Variants in DDX60 observed in about 807,000 individuals in gnomAD.
DDX60 encodes DExD/H-box helicase 60.
A neutral mutation model predicts 212.8 loss-of-function variants in DDX60; 165 were observed. The ratio of observed to expected loss-of-function variants is 0.78; its 90% CI spans 0.68 to 0.88. DDX60 has a LOEUF of 0.88. Ranked by LOEUF, DDX60 falls within the 40% of genes least tolerant of loss-of-function variation. The pLI, the probability that DDX60 is intolerant of heterozygous loss-of-function variation, is 0.00. For synonymous variants in DDX60, 703 were observed against 685.3 expected (o/e 1.03, Z -0.40); for missense variants, 1,905 against 2,003.9 (o/e 0.95, Z 0.94).
At chr4:168,247,776 G>T (rs974992694) in intron 29 of DDX60, among the ~76,000 whole-genome samples, 2 of 152,198 alleles carry the variant, frequency 1.3e-5, no homozygotes, top group Admixed American at 6.5e-5. Context: ...GGTGTCAGGA[G>T]TAAAGATGAG....
intron 19 of DDX60, 48 bp downstream of exon 19, chr4:168,271,995 T>C: frequency 1.5e-6 from 2 of 1,373,706 alleles, no homozygotes; most frequent in Non-Finnish European, 2.0e-6. Context: ...TTCATTGCTA[T>C]GCAAGTGTGC....
intron 8 of DDX60, among the ~76,000 whole-genome samples, chr4:168,288,799 T>G (rs1241392729): frequency 6.6e-6 from 1 of 152,234 alleles, no homozygotes; most frequent in Non-Finnish European, 1.5e-5. Context: ...CTGGTCTCCA[T>G]GCTTCAAGAT....
chr4:168,218,159 T>A lies in DDX60; in HGVS notation c.5040-1127A>T, dbSNP rs577575344. On this transcript the variant is annotated intron_variant, in intron 37 of 37. Transcript: ENST00000393743. ...TTATTTTCGAGTGTCATCACTGACC[T>A]ACCACAAAAATTGATCAGTTCTGTC... Among the ~76,000 whole-genome samples the A allele has an allele frequency of 3.4e-4, 52 of 152,284 alleles. 1 individual carries two copies. The South Asian group carries it at 7.5e-3, about 22-fold the overall frequency.
At chr4:168,288,127 A>G (rs563818591) in intron 9 of DDX60, 47 bp downstream of exon 9, 4 of 1,227,216 alleles carry the variant, frequency 3.3e-6, no homozygotes, top group Non-Finnish European at 4.4e-6. Flanking sequence ...TTCCTTATAA[A>G]GTTTATCTGT....
intron 26 of DDX60, among the ~76,000 whole-genome samples, chr4:168,252,945 C>T (rs1391500709): frequency 2.0e-5 from 3 of 152,094 alleles, no homozygotes; most frequent in Non-Finnish European, 4.4e-5. Context: ...GCTGGGATTA[C>T]AGGTGTCCAC....
At chr4:168,304,059 T>C (rs1274959871) in intron 5 of DDX60, among the ~76,000 whole-genome samples, 1 of 152,212 alleles carries the variant, frequency 6.6e-6, no homozygotes, top group Non-Finnish European at 1.5e-5. Flanking sequence ...TAAAAATGAC[T>C]GCTACTGACT....
intron 5 of DDX60, among the ~76,000 whole-genome samples, 159 bp from the exon 6 acceptor site, chr4:168,302,575 A>G (rs1251772583): frequency 6.6e-6 from 1 of 152,254 alleles, no homozygotes; most frequent in African/African-American, 2.4e-5. Context: ...CCCATTGAAC[A>G]TCACTATTTT....
upstream of DDX60, among the ~76,000 whole-genome samples, chr4:168,323,462 T>G (rs1032058843): frequency 1.3e-5 from 2 of 152,158 alleles, no homozygotes; most frequent in Non-Finnish European, 2.9e-5. Context: ...AAGAGCTCTT[T>G]GAACTGCCTG....
intron 3 of DDX60, among the ~76,000 whole-genome samples, chr4:168,309,205 T>C (rs988074994): frequency 6.6e-6 from 1 of 152,190 alleles, no homozygotes; most frequent in East Asian, 1.9e-4. Context: ...CTCATGGTTC[T>C]TGCGTATTTT....
At chr4:168,300,175 G>A (rs1430577510) in intron 6 of DDX60, among the ~76,000 whole-genome samples, 1 of 151,842 alleles carries the variant, frequency 6.6e-6, no homozygotes, top group African/African-American at 2.4e-5. Context: ...ATAAAACTGA[G>A]GAGGAAAAAT....
chr4:168,320,376 A>G (rs1400132360), upstream of DDX60, among the ~76,000 whole-genome samples: 1 of 152,176 alleles, frequency 6.6e-6, no homozygotes, highest in Non-Finnish European at 1.5e-5. Context: ...ATGTGGGGAC[A>G]CTACACAGAT....
chr4:168,235,774 T>C (rs1418459966), intron 33 of DDX60, among the ~76,000 whole-genome samples: 1 of 152,100 alleles, frequency 6.6e-6, no homozygotes, highest in Non-Finnish European at 1.5e-5. Flanking sequence ...GAAAAAGTGT[T>C]TCTCTGATTT....
chr4:168,256,567 C>A (rs1202259367), intron 25 of DDX60, among the ~76,000 whole-genome samples: 1 of 152,136 alleles, frequency 6.6e-6, no homozygotes, highest in Non-Finnish European at 1.5e-5. Context: ...CAAATGGCTG[C>A]AGATCAAATT....
intron 1 of DDX60, among the ~76,000 whole-genome samples, chr4:168,312,677 T>C (rs1407765017): frequency 1.4e-5 from 2 of 140,054 alleles, no homozygotes; most frequent in Non-Finnish European, 3.1e-5. Context: ...GATTTATGGA[T>C]AGATAGTAGA....
intron 5 of DDX60, 65 bp downstream of exon 5, chr4:168,306,314 T>C: frequency 1.6e-6 from 2 of 1,248,488 alleles, no homozygotes; most frequent in South Asian, 1.6e-5. Context: ...GAGAAAAAAC[T>C]GAGTCAAGTA....
intron 22 of DDX60, among the ~76,000 whole-genome samples, chr4:168,263,128 C>T (rs919273338): frequency 6.6e-6 from 1 of 152,168 alleles, no homozygotes; most frequent in Non-Finnish European, 1.5e-5. Flanking sequence ...TATCTTACAG[C>T]TAACACCAAA....
chr4:168,246,677 G>GT lies in DDX60; in HGVS notation c.3964-60dup, dbSNP rs771345152. On this transcript the variant is annotated intron_variant, in intron 29 of 37. Transcript: ENST00000393743. Reference sequence around the variant, plus strand: ...CCCTAAATGCTTCTACTGCCATAGTGTAAGAATGAGCCCTTTACTCTGGTT... The same window carrying GT: ...CCCTAAATGCTTCTACTGCCATAGTGTTAAGAATGAGCCCTTTACTCTGGTT... 80 of 1,547,526 alleles carry GT rather than the reference G, an allele frequency of 5.2e-5. 2 individuals carry two copies. In the South Asian group the frequency reaches 8.7e-4, roughly 17 times the overall value.
chr4:168,311,723 A>C (rs1388416581), intron 1 of DDX60, among the ~76,000 whole-genome samples: 2 of 152,198 alleles, frequency 1.3e-5, no homozygotes, highest in Non-Finnish European at 2.9e-5. Context: ...GTTGTGGGTG[A>C]CATTGATTCC....
chr4:168,301,708 G>A (rs532687650), intron 6 of DDX60, among the ~76,000 whole-genome samples: 1 of 152,306 alleles, frequency 6.6e-6, no homozygotes, highest in African/African-American at 2.4e-5. Context: ...AAGATCCACT[G>A]TGGACATTAA....
Sources: allele counts gnomAD v4.1 joint callset (sites outside exome capture counted in the v4.1 genomes callset), GRCh38; gene constraint gnomAD v4.1.1; transcripts MANE v1.5; gene names NCBI Gene and HGNC (gene_info 2026-07-23, HGNC 2026-07-21).